CA5B: variants seen among roughly 807,000 people sequenced by gnomAD.
The protein encoded by CA5B is carbonic anhydrase 5B, mitochondrial.
A neutral mutation model predicts 23.1 loss-of-function variants in CA5B; 15 were observed. That is an observed-to-expected ratio of 0.65 (90% CI 0.43 to 1.00). The LOEUF (loss-of-function observed/expected upper bound fraction) is 1.00. CA5B is among the 50% of genes least tolerant of loss of function. The pLI is 0.00. For missense variants in CA5B, 236 were observed against 252.2 expected (o/e 0.94, Z 0.43); for synonymous variants, 84 against 98.5 (o/e 0.85, Z 0.87).
intron 1 of CA5B, among the ~76,000 whole-genome samples, chrX:15,738,893 A>C (rs1443363178): frequency 9.0e-6 from 1 of 111,388 alleles, no homozygotes; most frequent in Non-Finnish European, 1.9e-5. Context: ...ACTCACCCCC[A>C]AGACAGGGTA....
In CA5B at chrX:15,758,291, T is replaced by C. The variant is rs183497977; in HGVS notation, c.143-6287T>C. Among the ~76,000 whole-genome samples the C allele has an allele frequency of 1.4e-4, 16 of 110,892 alleles. No homozygotes were observed. In the East Asian group the frequency reaches 4.5e-3, roughly 31 times the overall value. On this transcript the variant is annotated intron_variant, in intron 2 of 7. Coordinates refer to ENST00000318636, the MANE Select transcript of CA5B (RefSeq NM_007220.4). ...CAGTAGATTCAGTGTCTGATGAGGGTTCTCTTTGCTTCAAAGAATTTGCCT... is the reference window on the plus strand; with the variant it reads ...CAGTAGATTCAGTGTCTGATGAGGGCTCTCTTTGCTTCAAAGAATTTGCCT...
chrX:15,754,532 G>A (rs1237764803), intron 2 of CA5B, among the ~76,000 whole-genome samples: 1 of 112,387 alleles, frequency 8.9e-6, no homozygotes, highest in African/African-American at 3.2e-5. Context: ...GTAGCAGACA[G>A]TAACTGTTGA....
chrX:15,773,698 C>T (rs995535416), intron 4 of CA5B, among the ~76,000 whole-genome samples: 5 of 110,332 alleles, frequency 4.5e-5, no homozygotes, highest in African/African-American at 9.9e-5. Context: ...CGTGAGCCAC[C>T]GCGCCCGGCC....
At chrX:15,773,312 T>C (rs1931855427) in intron 4 of CA5B, among the ~76,000 whole-genome samples, 1 of 109,941 alleles carries the variant, frequency 9.1e-6, no homozygotes, top group Non-Finnish European at 1.9e-5. Flanking sequence ...CAGGCTGGAG[T>C]GCAGTGGCAC....
rs184689231 is a variant in CA5B at position 15,779,638 on chromosome X, A to C, written c.774+2769A>C. The stretch of plus-strand genomic sequence containing the variant: ...AATTGAGCAGGCATTTGGGGGAAAA[A>C]AATTGGATCCATCATTCAGACCTTA... On this transcript the variant is annotated intron_variant, in intron 7 of 7. Coordinates refer to ENST00000318636, the MANE Select transcript of CA5B (RefSeq NM_007220.4). 7.2e-5 allele frequency among the ~76,000 whole-genome samples: 8 copies of C among 111,822 alleles called. No homozygotes were observed. The East Asian group carries it at 2.2e-3, about 31-fold the overall frequency.
chrX:15,756,544 G>A (rs945952022), intron 2 of CA5B, among the ~76,000 whole-genome samples: 1 of 112,488 alleles, frequency 8.9e-6, no homozygotes, highest in African/African-American at 3.2e-5. Context: ...ATGTCATCAG[G>A]GAGATAAGAC....
intron 2 of CA5B, among the ~76,000 whole-genome samples, chrX:15,754,809 C>T (rs1282545835): frequency 3.6e-5 from 4 of 111,899 alleles, no homozygotes; most frequent in African/African-American, 9.8e-5. Flanking sequence ...TGATGATCTC[C>T]GTACTTGTAG....
intron 2 of CA5B, 29 bp from the exon 3 acceptor site, chrX:15,764,549 T>G: frequency 8.3e-7 from 1 of 1,209,275 alleles, no homozygotes; most frequent in South Asian, 1.8e-5. Flanking sequence ...CCAACAGTCT[T>G]GATAATAGGC....
chrX:15,782,335 G>C, intron 7 of CA5B, 150 bp from the exon 8 acceptor site: 3 of 522,136 alleles, frequency 5.7e-6, no homozygotes, highest in Non-Finnish European at 9.5e-6. Context: ...TCCCTGTCAA[G>C]TGGTGAAGGC....
At chrX:15,778,731 C>G (rs1370767199) in intron 7 of CA5B, among the ~76,000 whole-genome samples, 1 of 111,039 alleles carries the variant, frequency 9.0e-6, no homozygotes, top group African/African-American at 3.3e-5. Context: ...GAAGCAAGGA[C>G]CTTCTTCACA....
intron 2 of CA5B, among the ~76,000 whole-genome samples, chrX:15,762,599 A>G (rs1025325006): frequency 5.5e-5 from 6 of 109,688 alleles, no homozygotes; most frequent in Non-Finnish European, 3.8e-5. Flanking sequence ...GTGCCACCAC[A>G]CCCGGCTAAT....
chrX:15,780,828 T>C (rs996681279), intron 7 of CA5B, among the ~76,000 whole-genome samples: 1 of 112,313 alleles, frequency 8.9e-6, no homozygotes, highest in Non-Finnish European at 1.9e-5. Flanking sequence ...CCTCTTCAGC[T>C]CTATTTGCCC....
Position 15,787,543 on chromosome X carries a change from G to A in CA5B, c.*4879G>A, listed in dbSNP as rs1278833783. The A allele has an allele frequency of 1.8e-5, 2 of 112,532 alleles. No individual in the cohort carries two copies. Among genetic ancestry groups the A allele is most frequent in the Non-Finnish European group, 3.7e-5 (2 of 53,358 alleles). 9.3% of individuals were successfully genotyped at this position (112,532 alleles called of 1,213,427 possible). On this transcript the variant is annotated 3_prime_UTR_variant, in exon 8 of 8. Transcript: ENST00000318636. ...GAATTGGCTTTTAGAGTTACTTCCT[G>A]TAATGAAATTAACAAGCAATTCAGG...
intron 3 of CA5B, among the ~76,000 whole-genome samples, chrX:15,771,534 C>G (rs1313587491): frequency 9.2e-6 from 1 of 108,948 alleles, no homozygotes; most frequent in Non-Finnish European, 1.9e-5. Context: ...TCAAGTGATT[C>G]TTGTGCCTCA....
chrX:15,757,720 A>C (rs1931522140), intron 2 of CA5B, among the ~76,000 whole-genome samples: 1 of 110,133 alleles, frequency 9.1e-6, no homozygotes, highest in African/African-American at 3.3e-5. Context: ...AAAAAAAAAA[A>C]AAACCCCAAA....
intron 6 of CA5B, 103 bp downstream of exon 6, chrX:15,775,411 A>T: frequency 9.4e-7 from 1 of 1,068,765 alleles, no homozygotes; most frequent in Non-Finnish European, 1.2e-6. Context: ...TAATTAGGTG[A>T]ACTGTATTCA....
At chrX:15,754,051 T>A (rs759079459) in intron 2 of CA5B, among the ~76,000 whole-genome samples, 3 of 112,239 alleles carry the variant, frequency 2.7e-5, no homozygotes, top group Non-Finnish European at 5.6e-5. Context: ...AGTCTTATGA[T>A]CTCTATTTGA....
Position 15,786,218 on chromosome X carries a change from C to T in CA5B, c.*3554C>T, listed in dbSNP as rs1368976095. 9.1e-6 allele frequency: 1 copy of T among 109,818 alleles called. No individual in the cohort carries two copies. Among genetic ancestry groups the T allele is most frequent in the Non-Finnish European group, 1.9e-5 (1 of 52,270 alleles). 9.1% of individuals were successfully genotyped at this position (109,818 alleles called of 1,213,427 possible). A position where few individuals can be genotyped will look rare whatever the true frequency, so the allele number is the denominator to read the frequency against. ...TCAAAACCCTACTGCAGTGAGTTTT[C>T]CAAACTGAAGGGAGAAGCAATGTAC... On this transcript the variant is annotated 3_prime_UTR_variant, in exon 8 of 8. Transcript: ENST00000318636.
Position 15,786,269 on chromosome X carries a change from T to G in CA5B, c.*3605T>G, listed in dbSNP as rs1932115979. 1 of 111,432 alleles carries G rather than the reference T, an allele frequency of 9.0e-6. No homozygotes were observed. The highest frequency in any genetic ancestry group is 1.9e-5 in the Non-Finnish European group (1 of 53,035). The allele number at this position is 111,432 out of a possible 1,213,427, so 9.2% of individuals were successfully genotyped here. On this transcript the variant is annotated 3_prime_UTR_variant, in exon 8 of 8. Coordinates refer to ENST00000318636, the MANE Select transcript of CA5B (RefSeq NM_007220.4). ...AGAATGCCTGACTTGCCCTTACATC[T>G]TATACCTGGTGTTCTGGCATGATTA...
Sources: allele counts gnomAD v4.1 joint callset (sites outside exome capture counted in the v4.1 genomes callset), GRCh38; gene constraint gnomAD v4.1.1; transcripts MANE v1.5; gene names NCBI Gene and HGNC (gene_info 2026-07-23, HGNC 2026-07-21).